PTPRD: variants seen among roughly 807,000 people sequenced by gnomAD.
The protein encoded by PTPRD is receptor-type tyrosine-protein phosphatase delta.
PTPRD carries 34 observed loss-of-function variants against 214.5 expected under a neutral mutation model. The ratio of observed to expected loss-of-function variants is 0.16; its 90% CI spans 0.12 to 0.21. The LOEUF (loss-of-function observed/expected upper bound fraction) is 0.21, where lower values mean the gene tolerates loss of function less well. PTPRD is among the 10% of genes least tolerant of loss of function. The pLI is 1.00. For synonymous variants in PTPRD, 1,128 were observed against 845.7 expected, an observed-to-expected ratio of 1.33 and a Z score of -5.79; for missense variants, 2,545 against 2,398.7, an observed-to-expected ratio of 1.06 and a Z score of -1.27.
intron 9 of PTPRD, among the ~76,000 whole-genome samples, chr9:9,389,452 G>C (rs1169367001): frequency 1.3e-5 from 2 of 152,172 alleles, no homozygotes. Context: ...AGAGGTTGTG[G>C]TGAGCTGAGA....
chr9:9,191,321 C>T (rs541990725), intron 9 of PTPRD, among the ~76,000 whole-genome samples: 2 of 152,110 alleles, frequency 1.3e-5, no homozygotes, highest in South Asian at 4.1e-4. Context: ...TGAGCCTTAC[C>T]AAAAGCCATG....
intron 34 of PTPRD, among the ~76,000 whole-genome samples, chr9:8,445,773 G>T (rs2095702227): frequency 1.3e-5 from 2 of 152,144 alleles, no homozygotes; most frequent in Non-Finnish European, 2.9e-5. Flanking sequence ...CTCAATAAGA[G>T]AAAAATAAAA....
At chr9:8,724,008 T>C (rs1460945173) in intron 12 of PTPRD, among the ~76,000 whole-genome samples, 2 of 152,178 alleles carry the variant, frequency 1.3e-5, no homozygotes, top group African/African-American at 4.8e-5. Context: ...AATTTAAAAC[T>C]TTTATGAGAG....
intron 8 of PTPRD, among the ~76,000 whole-genome samples, chr9:9,500,788 G>A: frequency 6.6e-6 from 1 of 151,954 alleles, no homozygotes; most frequent in East Asian, 1.9e-4. Flanking sequence ...AATGTTTAAA[G>A]CAAAAATAAT....
chr9:8,848,300 C>T (rs1188310498), intron 11 of PTPRD, among the ~76,000 whole-genome samples: 7 of 138,258 alleles, frequency 5.1e-5, no homozygotes, highest in African/African-American at 1.1e-4. Flanking sequence ...CTTATTAATG[C>T]TTAAGATTTT....
In PTPRD at chr9:8,732,813, A is replaced by T. The variant is rs142233880; in HGVS notation, c.64+967T>A. On this transcript the variant is annotated intron_variant, in intron 12 of 45. Coordinates refer to ENST00000381196, the MANE Select transcript of PTPRD (RefSeq NM_002839.4). ...ATGCAATTAATAGAAAGGGGCCAAG[A>T]TGACACAGGATACTTGTCTTGGAAA... is the stretch of plus-strand genomic sequence containing the variant. Among the ~76,000 whole-genome samples the T allele has an allele frequency of 3.3e-3, 508 of 152,326 alleles. 4 individuals carry two copies. The highest frequency in any genetic ancestry group is 5.9e-3 in the Non-Finnish European group (399 of 68,036).
intron 2 of PTPRD, among the ~76,000 whole-genome samples, chr9:10,342,334 G>A (rs1195277916): frequency 6.6e-6 from 1 of 152,022 alleles, no homozygotes; most frequent in Non-Finnish European, 1.5e-5. Flanking sequence ...AATTTAACAT[G>A]TTTGTAAATA....
intron 12 of PTPRD, among the ~76,000 whole-genome samples, chr9:8,677,180 C>G (rs1447343265): frequency 2.0e-5 from 3 of 152,034 alleles, no homozygotes; most frequent in Non-Finnish European, 4.4e-5. Flanking sequence ...CTGGAAATCT[C>G]AACAATCAAA....
At chr9:8,832,887 CTGAAA>C (rs2097327980) in intron 11 of PTPRD, among the ~76,000 whole-genome samples, 1 of 151,946 alleles carries the variant, frequency 6.6e-6, no homozygotes, top group Admixed American at 6.6e-5. Context: ...AAAATAATAT[CTGAAA>C]TGAAAACAAA....
intron 8 of PTPRD, among the ~76,000 whole-genome samples, chr9:9,436,252 C>A (rs116179701): frequency 0.01 from 1,584 of 152,080 alleles, 26 homozygotes; most frequent in African/African-American, 0.037. Context: ...AGCTGTGACC[C>A]CCTATTTAAC....
At chr9:8,823,527 G>GT (rs907099086) in intron 11 of PTPRD, among the ~76,000 whole-genome samples, 1 of 152,110 alleles carries the variant, frequency 6.6e-6, no homozygotes, top group Non-Finnish European at 1.5e-5. Flanking sequence ...GCGCGTGCCT[G>GT]TAAGTCCCAG....
chr9:10,219,904 C>G (rs1320333730), intron 3 of PTPRD, among the ~76,000 whole-genome samples: 3 of 151,522 alleles, frequency 2.0e-5, no homozygotes, highest in Non-Finnish European at 4.4e-5. Flanking sequence ...AAATGAATAA[C>G]TTGAATGTAG....
chr9:8,879,455 A>G (rs796960020), intron 11 of PTPRD, among the ~76,000 whole-genome samples: 49 of 152,222 alleles, frequency 3.2e-4, no homozygotes, highest in African/African-American at 1.2e-3. Context: ...GCACTGCAAA[A>G]CACTAGAAGC....
At chr9:9,405,032 G>A (rs78809732) in intron 8 of PTPRD, among the ~76,000 whole-genome samples, 374 of 152,042 alleles carry the variant, frequency 2.5e-3, no homozygotes, top group African/African-American at 8.5e-3. Context: ...CATCCCGGTG[G>A]CACCCTAATG....
intron 11 of PTPRD, among the ~76,000 whole-genome samples, chr9:8,908,420 A>C (rs967531894): frequency 6.6e-6 from 1 of 152,158 alleles, no homozygotes; most frequent in Non-Finnish European, 1.5e-5. Context: ...ATAATTAAAT[A>C]AGAAATCAAC....
intron 5 of PTPRD, among the ~76,000 whole-genome samples, chr9:9,831,650 T>C (rs559244112): frequency 4.7e-4 from 71 of 152,132 alleles, no homozygotes; most frequent in Non-Finnish European, 9.3e-4. Context: ...TTACCTGTAT[T>C]ATCAGATTCC....
chr9:9,485,349 G>A (rs1366792519), intron 8 of PTPRD, among the ~76,000 whole-genome samples: 1 of 152,102 alleles, frequency 6.6e-6, no homozygotes, highest in Non-Finnish European at 1.5e-5. Context: ...ACATTTAGAA[G>A]AAACGTTTTG....
chr9:8,942,899 A>G (rs1163771959), intron 11 of PTPRD, among the ~76,000 whole-genome samples: 1 of 152,148 alleles, frequency 6.6e-6, no homozygotes, highest in Non-Finnish European at 1.5e-5. Flanking sequence ...GACTCCACCA[A>G]AAAATTATTA....
intron 14 of PTPRD, among the ~76,000 whole-genome samples, chr9:8,569,777 T>C (rs576440072): frequency 2.8e-4 from 40 of 141,786 alleles, no homozygotes; most frequent in South Asian, 1.4e-3. Context: ...TTTATTATTT[T>C]AAGGAAGATA....
Sources: gnomAD v4.1 joint callset for allele counts (sites outside exome capture counted in the v4.1 genomes callset) on GRCh38, gnomAD v4.1.1 for gene constraint, MANE v1.5 for transcripts, NCBI Gene and HGNC (gene_info 2026-07-23, HGNC 2026-07-21) for gene names.